The following AK5 variants were observed in gnomAD, a reference collection of about 807,000 sequenced individuals.
The protein encoded by AK5 is adenylate kinase isoenzyme 5.
Under a neutral mutation model 69.5 loss-of-function variants are expected in AK5, and 27 were observed. The observed-to-expected ratio is 0.39, with a 90% CI of 0.29 to 0.54. The LOEUF (loss-of-function observed/expected upper bound fraction) is 0.54. Among genes scored for constraint, AK5 ranks in the 20% least tolerant of loss-of-function variants. The pLI, the probability that AK5 is intolerant of heterozygous loss-of-function variation, is 0.71. For missense variants in AK5, 531 were observed against 700.4 expected (o/e 0.76, Z 2.73); for synonymous variants, 260 against 244.4 (o/e 1.06, Z -0.60).
At position 77,466,708 on chromosome 1, in the gene AK5, A is replaced by G. The variant is rs1463664245; in HGVS notation, c.1060-16609A>G. Among the ~76,000 whole-genome samples the G allele has an allele frequency of 2.0e-5, 3 of 152,202 alleles. No individual in the cohort carries two copies. The East Asian group carries it at 5.8e-4, about 29-fold the overall frequency. ...AGCATCTGGTGAGGGCCTGTTTGCTACGTCCTCACATGTTGGAACACAGAA... is the reference window on the plus strand; with the variant it reads ...AGCATCTGGTGAGGGCCTGTTTGCTGCGTCCTCACATGTTGGAACACAGAA... On this transcript the variant is annotated intron_variant, in intron 8 of 13. Coordinates refer to ENST00000354567, the MANE Select transcript of AK5 (RefSeq NM_174858.3).
intron 8 of AK5, among the ~76,000 whole-genome samples, chr1:77,477,310 G>T (rs1335032332): frequency 1.3e-5 from 2 of 152,132 alleles, no homozygotes; most frequent in Admixed American, 1.3e-4. Context: ...TTATAGACAT[G>T]AGCCACCACA....
intron 10 of AK5, among the ~76,000 whole-genome samples, chr1:77,502,558 C>A (rs1400345272): frequency 6.6e-6 from 1 of 152,120 alleles, no homozygotes; most frequent in African/African-American, 2.4e-5. Flanking sequence ...TAACATGTTT[C>A]TATGACAGAG....
chr1:77,308,848 A>C (rs933518776), intron 5 of AK5, among the ~76,000 whole-genome samples: 1 of 151,538 alleles, frequency 6.6e-6, no homozygotes, highest in South Asian at 2.1e-4. Flanking sequence ...GTGTGCCTAC[A>C]GTCCCAGCTA....
chr1:77,382,664 G>A (rs1647731396), intron 6 of AK5, among the ~76,000 whole-genome samples: 1 of 152,094 alleles, frequency 6.6e-6, no homozygotes, highest in Non-Finnish European at 1.5e-5. Context: ...ACACATTTTT[G>A]TATGTTTTTA....
At chr1:77,555,285 A>G (rs1367594719) in intron 13 of AK5, among the ~76,000 whole-genome samples, 1 of 152,198 alleles carries the variant, frequency 6.6e-6, no homozygotes, top group African/African-American at 2.4e-5. Flanking sequence ...TTTAAAAAAC[A>G]AAAAACAAAC....
intron 13 of AK5, among the ~76,000 whole-genome samples, chr1:77,536,376 C>G (rs561851579): frequency 1.3e-5 from 2 of 152,166 alleles, no homozygotes; most frequent in East Asian, 3.9e-4. Context: ...ATTGCTTGAG[C>G]CCCAGAGGTG....
intron 3 of AK5, among the ~76,000 whole-genome samples, chr1:77,297,128 GT>G (rs1659053727): frequency 6.6e-6 from 1 of 152,118 alleles, no homozygotes; most frequent in African/African-American, 2.4e-5. Flanking sequence ...AAAAATAATG[GT>G]TACGTTTCAC....
At chr1:77,506,179 G>T (rs573107489) in intron 10 of AK5, among the ~76,000 whole-genome samples, 14 of 152,180 alleles carry the variant, frequency 9.2e-5, no homozygotes, top group Admixed American at 7.2e-4. Flanking sequence ...TGGAACAGGC[G>T]CTGGAGACCT....
chr1:77,289,388 G>C (rs1013096857), intron 2 of AK5, among the ~76,000 whole-genome samples: 2 of 152,054 alleles, frequency 1.3e-5, no homozygotes, highest in Non-Finnish European at 2.9e-5. Flanking sequence ...TACTTCCCAG[G>C]GTGTCGTCAT....
chr1:77,544,541 T>A (rs549272684), intron 13 of AK5, among the ~76,000 whole-genome samples: 60 of 152,256 alleles, frequency 3.9e-4, no homozygotes, highest in African/African-American at 1.4e-3. Context: ...AAAGTCTTTT[T>A]TTTTTTACTT....
intron 8 of AK5, among the ~76,000 whole-genome samples, chr1:77,419,195 A>G (rs529210723): frequency 1.3e-5 from 2 of 152,286 alleles, no homozygotes; most frequent in Non-Finnish European, 2.9e-5. Context: ...CTCTGCCACA[A>G]TGTACTGCCT....
At chr1:77,388,921 G>A (rs993241565) in intron 6 of AK5, among the ~76,000 whole-genome samples, 1 of 152,166 alleles carries the variant, frequency 6.6e-6, no homozygotes, top group Non-Finnish European at 1.5e-5. Flanking sequence ...CAGAATATCA[G>A]GGAAGTGGAG....
At chr1:77,379,701 A>T (rs1647490224) in intron 6 of AK5, among the ~76,000 whole-genome samples, 1 of 152,216 alleles carries the variant, frequency 6.6e-6, no homozygotes, top group Admixed American at 6.5e-5. Context: ...TCCAAGTTGA[A>T]ATTTGAAAGT....
At chr1:77,425,448 A>G (rs576200360) in intron 8 of AK5, among the ~76,000 whole-genome samples, 2 of 152,144 alleles carry the variant, frequency 1.3e-5, no homozygotes, top group South Asian at 4.2e-4. Context: ...TTGGCCGGGT[A>G]TGGTGGCACA....
intron 6 of AK5, among the ~76,000 whole-genome samples, chr1:77,407,927 C>T (rs569750901): frequency 5.3e-4 from 81 of 152,290 alleles, no homozygotes; most frequent in Admixed American, 1.4e-3. Flanking sequence ...ATAATGGCTT[C>T]CAGATGCTTC....
At chr1:77,391,495 G>GTGTATATATCTA in intron 6 of AK5, among the ~76,000 whole-genome samples, 1 of 63,452 alleles carries the variant, frequency 1.6e-5, no homozygotes, top group Non-Finnish European at 3.2e-5. Context: ...GTGTGTGTGT[G>GTGTATATATCTA]TATATATATA....
intron 12 of AK5, among the ~76,000 whole-genome samples, chr1:77,527,782 G>A (rs1028428097): frequency 2.6e-5 from 4 of 152,230 alleles, no homozygotes; most frequent in South Asian, 4.1e-4. Context: ...CCAGATGGCC[G>A]GGCACGGTGG....
intron 8 of AK5, among the ~76,000 whole-genome samples, chr1:77,452,407 G>A (rs1361433117): frequency 1.3e-5 from 2 of 152,122 alleles, no homozygotes; most frequent in Non-Finnish European, 2.9e-5. Context: ...ATAAATCAAG[G>A]ATTATTGATT....
At position 77,282,424 on chromosome 1, in the gene AK5, G is replaced by A. The variant is rs189702671; in HGVS notation, c.60+51G>A. On this transcript the variant is annotated intron_variant, in intron 1 of 13. Coordinates refer to ENST00000354567, the MANE Select transcript of AK5 (RefSeq NM_174858.3). ...GGTAGCATCCGGGGACTGCATCTCAGGGGTTCGGGTTGAGGCAGCCGCGCC... is the reference window on the plus strand; with the variant it reads ...GGTAGCATCCGGGGACTGCATCTCAAGGGTTCGGGTTGAGGCAGCCGCGCC... 2.3e-5 allele frequency: 35 copies of A among 1,524,530 alleles called. No individual in the cohort carries two copies. In the Admixed American group the frequency reaches 4.8e-4, roughly 21 times the overall value. The allele number at this position is 1,524,530 out of a possible 1,614,324, so 94.4% of individuals were successfully genotyped here.
Sources: gnomAD v4.1 joint callset for allele counts (sites outside exome capture counted in the v4.1 genomes callset) on GRCh38, gnomAD v4.1.1 for gene constraint, MANE v1.5 for transcripts, NCBI Gene and HGNC (gene_info 2026-07-23, HGNC 2026-07-21) for gene names.